SLC4A7: variants seen among roughly 807,000 people sequenced by gnomAD.
SLC4A7 encodes solute carrier family 4 member 7.
Under a neutral mutation model 137.6 loss-of-function variants are expected in SLC4A7, and 51 were observed. That is an observed-to-expected ratio of 0.37 (90% CI 0.30 to 0.47). The LOEUF is 0.47. SLC4A7 is among the 20% of genes least tolerant of loss of function. SLC4A7 has a pLI of 1.00. For missense variants in SLC4A7, 1,247 were observed against 1,525.4 expected (o/e 0.82, Z 3.04); for synonymous variants, 542 against 518.6 (o/e 1.05, Z -0.61).
chr3:27,404,714 T>A (rs1430778797), intron 14 of SLC4A7, 116 bp downstream of exon 14: 8 of 781,840 alleles, frequency 1.0e-5, no homozygotes, highest in Non-Finnish European at 1.6e-5. Flanking sequence ...AGCTCAAAAA[T>A]AATGAGAATG....
intron 3 of SLC4A7, among the ~76,000 whole-genome samples, chr3:27,446,642 T>C (rs2057658097): frequency 6.6e-6 from 1 of 152,138 alleles, no homozygotes; most frequent in African/African-American, 2.4e-5. Context: ...CTGATCCATT[T>C]ACTCACAGAA....
chr3:27,467,113 C>T (rs2059041167), intron 1 of SLC4A7, among the ~76,000 whole-genome samples: 1 of 152,140 alleles, frequency 6.6e-6, no homozygotes, highest in South Asian at 2.1e-4. Context: ...CCCAAGGTCC[C>T]ATTGCTTCAG....
intron 1 of SLC4A7, 72 bp downstream of exon 1, chr3:27,483,995 G>T: frequency 8.6e-7 from 1 of 1,169,164 alleles, no homozygotes; most frequent in Non-Finnish European, 1.1e-6. Context: ...CGCCCGCCGC[G>T]CCCCCCGCCT....
chr3:27,385,599 G>A (rs1320287225), intron 23 of SLC4A7, among the ~76,000 whole-genome samples: 1 of 152,046 alleles, frequency 6.6e-6, no homozygotes, highest in Non-Finnish European at 1.5e-5. Context: ...TCTAATTGCT[G>A]ATTTAGTAAG....
chr3:27,438,031 T>C (rs2056877364), intron 3 of SLC4A7, among the ~76,000 whole-genome samples: 1 of 152,062 alleles, frequency 6.6e-6, no homozygotes, highest in African/African-American at 2.4e-5. Context: ...ACCCCGTCTC[T>C]ACTAAAAATA....
At chr3:27,391,705 T>A in intron 21 of SLC4A7, 35 bp downstream of exon 21, 1 of 1,192,372 alleles carries the variant, frequency 8.4e-7, no homozygotes, top group Non-Finnish European at 1.2e-6. Flanking sequence ...AATTATCAAG[T>A]TTCTATAGAA....
chr3:27,471,986 C>T (rs571366967), intron 1 of SLC4A7, among the ~76,000 whole-genome samples: 3 of 152,268 alleles, frequency 2.0e-5, no homozygotes, highest in Admixed American at 2.0e-4. Context: ...AGTATTTACT[C>T]CTCCAATCAG....
chr3:27,447,640 CTT>C (rs71087609), intron 3 of SLC4A7, among the ~76,000 whole-genome samples: 14 of 99,720 alleles, frequency 1.4e-4, no homozygotes, highest in African/African-American at 3.4e-4. Flanking sequence ...TTTTACAGCC[CTT>C]TTTTTTTTTT....
rs576560869 is a variant in SLC4A7, at chr3:27,403,618, AGTTT to A, written c.2076-238_2076-235del. Among the ~76,000 whole-genome samples the A allele has an allele frequency of 3.7e-4, 56 of 152,176 alleles. No individual in the cohort carries two copies. The South Asian group carries it at 7.3e-3, about 20-fold the overall frequency. ...AAATTAATTAGTATTAATTATTAAT[AGTTT>A]ATTACACTTATATAAAAGATTTACA... On this transcript the variant is annotated intron_variant, in intron 14 of 25. Transcript: ENST00000454389.
intron 2 of SLC4A7, among the ~76,000 whole-genome samples, chr3:27,451,664 TG>T (rs1210878570): frequency 6.6e-6 from 1 of 152,118 alleles, no homozygotes; most frequent in Non-Finnish European, 1.5e-5. Context: ...GATCCTCAAC[TG>T]GATCAACTGA....
Position 27,454,914 on chromosome 3 carries a change from ATAT to A in SLC4A7, c.61-2419_61-2417del, listed in dbSNP as rs2058308573. On this transcript the variant is annotated intron_variant, in intron 1 of 25. Coordinates refer to ENST00000454389, the MANE Select transcript of SLC4A7 (RefSeq NM_001321103.2). ...ATATAATCTCACAATACTTATAAAT[ATAT>A]TATTTACTATACTTATTTAAAATAC... is the stretch of plus-strand genomic sequence containing the variant. Among the ~76,000 whole-genome samples, 3 of 152,174 alleles carry A rather than the reference ATAT, an allele frequency of 2.0e-5. No individual in the cohort carries two copies. The South Asian group carries it at 6.2e-4, about 32-fold the overall frequency.
intron 3 of SLC4A7, among the ~76,000 whole-genome samples, chr3:27,447,363 T>G (rs907143460): frequency 6.6e-6 from 1 of 152,186 alleles, no homozygotes; most frequent in Admixed American, 6.5e-5. Flanking sequence ...GACACAGAAT[T>G]TGCACTTTAG....
At chr3:27,393,683 G>A (rs758824397) in intron 20 of SLC4A7, among the ~76,000 whole-genome samples, 9 of 152,048 alleles carry the variant, frequency 5.9e-5, no homozygotes, top group Non-Finnish European at 1.0e-4. Context: ...AAATACCATC[G>A]TAATATCATT....
intron 1 of SLC4A7, among the ~76,000 whole-genome samples, chr3:27,460,022 CACATAT>C (rs2058611341): frequency 6.9e-6 from 1 of 144,058 alleles, no homozygotes; most frequent in East Asian, 1.9e-4. Flanking sequence ...TGTATATATA[CACATAT>C]ATATATATAA....
intron 5 of SLC4A7, among the ~76,000 whole-genome samples, chr3:27,434,990 T>C (rs958688026): frequency 6.6e-6 from 1 of 152,184 alleles, no homozygotes; most frequent in Non-Finnish European, 1.5e-5. Flanking sequence ...GAAACCCATA[T>C]GTATTATACA....
chr3:27,378,800 T>C (rs1026502391), intron 25 of SLC4A7, among the ~76,000 whole-genome samples: 2 of 152,250 alleles, frequency 1.3e-5, no homozygotes, highest in African/African-American at 4.8e-5. Context: ...AATTACAGTA[T>C]TTAATCCCTA....
intron 22 of SLC4A7, among the ~76,000 whole-genome samples, chr3:27,388,565 G>A (rs2051209670): frequency 6.6e-6 from 1 of 152,030 alleles, no homozygotes; most frequent in African/African-American, 2.4e-5. Context: ...GTCAATTTTG[G>A]AAATTTAGAT....
intron 17 of SLC4A7, 148 bp from the exon 18 acceptor site, chr3:27,397,945 A>G: frequency 1.6e-6 from 1 of 621,950 alleles, no homozygotes. Context: ...ACACATTTAT[A>G]TTTAATTCTT....
intron 4 of SLC4A7, 144 bp from the exon 5 acceptor site, chr3:27,436,692 G>C: frequency 1.8e-6 from 1 of 547,350 alleles, no homozygotes; most frequent in South Asian, 3.6e-5. Context: ...TCACAAATTA[G>C]GTTAATGGTC....
Sources: allele counts gnomAD v4.1 joint callset (sites outside exome capture counted in the v4.1 genomes callset), GRCh38; gene constraint gnomAD v4.1.1; transcripts MANE v1.5; gene names NCBI Gene and HGNC (gene_info 2026-07-23, HGNC 2026-07-21).